COL4A2: variants seen among roughly 807,000 people sequenced by gnomAD.
COL4A2 encodes collagen alpha-2(IV) chain.
COL4A2 carries 99 observed loss-of-function variants against 200.2 expected under a neutral mutation model. That is an observed-to-expected ratio of 0.49 (90% CI 0.42 to 0.58). The LOEUF (loss-of-function observed/expected upper bound fraction) is 0.58. COL4A2 is among the 20% of genes least tolerant of loss of function. The pLI, the probability that COL4A2 is intolerant of heterozygous loss-of-function variation, is 0.00. For missense variants in COL4A2, 1,950 were observed against 2,314.1 expected (o/e 0.84, Z 3.23); for synonymous variants, 897 against 900.6 (o/e 1.00, Z 0.07).
At chr13:110,427,203 G>A (rs1054077610) in intron 6 of COL4A2, among the ~76,000 whole-genome samples, 1 of 152,204 alleles carries the variant, frequency 6.6e-6, no homozygotes, top group African/African-American at 2.4e-5. Flanking sequence ...AGGCTGGAGT[G>A]CAGTGGTGCG....
chr13:110,435,727 G>A (rs1024460274), intron 12 of COL4A2, among the ~76,000 whole-genome samples: 21 of 152,260 alleles, frequency 1.4e-4, no homozygotes, highest in Admixed American at 8.5e-4. Flanking sequence ...TAGATAGATC[G>A]GTTTCACCAT....
chr13:110,504,278 G>A lies in COL4A2; in HGVS notation c.4402+14G>A. ...TTGGCCAAGAAGGTGAGTGACAGTGGGGAAGGACCTTCCCAGGTCCTAGTG... is the reference window on the plus strand; with the variant it reads ...TTGGCCAAGAAGGTGAGTGACAGTGAGGAAGGACCTTCCCAGGTCCTAGTG... On this transcript the variant is annotated intron_variant, in intron 45 of 47. Transcript: ENST00000360467. 6.3e-7 allele frequency: 1 copy of A among 1,597,366 alleles called. No homozygotes were observed.
At chr13:110,458,981 C>T (rs1881904743) in intron 22 of COL4A2, 47 bp downstream of exon 22, 5 of 1,465,134 alleles carry the variant, frequency 3.4e-6, no homozygotes, top group Non-Finnish European at 3.6e-6. Flanking sequence ...TCTGAGGCCT[C>T]CCCAGGTGTC....
At chr13:110,339,987 T>G (rs1242873989) in intron 3 of COL4A2, among the ~76,000 whole-genome samples, 1 of 152,250 alleles carries the variant, frequency 6.6e-6, no homozygotes, top group Non-Finnish European at 1.5e-5. Flanking sequence ...CCTGGCGGTT[T>G]ATGACATTGC....
intron 34 of COL4A2, among the ~76,000 whole-genome samples, 200 bp downstream of exon 34, chr13:110,486,036 C>T (rs1460029913): frequency 6.6e-6 from 1 of 151,980 alleles, no homozygotes; most frequent in Non-Finnish European, 1.5e-5. Flanking sequence ...TGAGTCCAAC[C>T]GGCTGCCGTG....
chr13:110,503,894 A>G lies in COL4A2; in HGVS notation c.4186A>G (p.Lys1396Glu). 1 of 1,613,560 alleles carries G rather than the reference A, an allele frequency of 6.2e-7. No homozygotes were observed. The highest frequency in any genetic ancestry group is 8.5e-7 in the Non-Finnish European group (1 of 1,179,696). The part of the protein sequence containing the change: ...GAPGIAGIPQ[K>E]IAVQPGTVGP... ...CCCCGGGATTGCAGGAATCCCCCAG[A>G]AGATTGCCGTCCAACCAGGGACAGT... The change falls in exon 44 of 48, where the codon AAG becomes GAG. Residue 1396 changes from lysine (K) to glutamate (E), a missense_variant. Physicochemically the swap from Lys to Glu is moderately conservative, Grantham distance 56. This residue lies in a region of COL4A2 where 1,385 missense variants were observed against 1,720.5 expected (regional missense o/e 0.80). Coordinates refer to ENST00000360467, the MANE Select transcript of COL4A2 (RefSeq NM_001846.4).
chr13:110,421,557 G>A (rs1283387369), intron 4 of COL4A2, among the ~76,000 whole-genome samples: 1 of 152,204 alleles, frequency 6.6e-6, no homozygotes, highest in Non-Finnish European at 1.5e-5. Flanking sequence ...GCCAGGGGCT[G>A]GGAGGAAAGG....
At chr13:110,356,853 A>G (rs1594167048) in intron 3 of COL4A2, among the ~76,000 whole-genome samples, 1 of 148,506 alleles carries the variant, frequency 6.7e-6, no homozygotes, top group East Asian at 2.0e-4. Context: ...TGCAACCTCC[A>G]CCTCCCGGTT....
intron 13 of COL4A2, 35 bp from the exon 14 acceptor site, chr13:110,437,967 T>C: frequency 1.3e-6 from 2 of 1,575,830 alleles, no homozygotes; most frequent in Non-Finnish European, 1.7e-6. Flanking sequence ...ATCCTCAAAT[T>C]AATAAGCGTT....
At chr13:110,354,839 C>T (rs1202723130) in intron 3 of COL4A2, among the ~76,000 whole-genome samples, 1 of 152,164 alleles carries the variant, frequency 6.6e-6, no homozygotes, top group Non-Finnish European at 1.5e-5. Context: ...GGTCAGAAGC[C>T]TGCGTGTCCT....
At chr13:110,325,877 G>A (rs1885395090) in intron 3 of COL4A2, among the ~76,000 whole-genome samples, 1 of 151,928 alleles carries the variant, frequency 6.6e-6, no homozygotes, top group Non-Finnish European at 1.5e-5. Flanking sequence ...TCCACCTCCT[G>A]GGTTCAAGCG....
chr13:110,319,973 T>G (rs1036240295), intron 3 of COL4A2, among the ~76,000 whole-genome samples: 1 of 152,252 alleles, frequency 6.6e-6, no homozygotes, highest in Non-Finnish European at 1.5e-5. Flanking sequence ...TATGTCAATT[T>G]CCTGCCGGTA....
intron 4 of COL4A2, among the ~76,000 whole-genome samples, chr13:110,385,913 G>A (rs201606195): frequency 2.8e-5 from 2 of 72,474 alleles, no homozygotes; most frequent in Non-Finnish European, 5.8e-5. Context: ...TGGTTACAGC[G>A]TGTGGATGGG....
intron 16 of COL4A2, among the ~76,000 whole-genome samples, chr13:110,443,027 G>A (rs1032733654): frequency 6.6e-6 from 1 of 152,212 alleles, no homozygotes; most frequent in African/African-American, 2.4e-5. Flanking sequence ...AGGCTGCAGT[G>A]TCGATGACTT....
intron 16 of COL4A2, among the ~76,000 whole-genome samples, chr13:110,440,598 AAAT>A (rs1289189788): frequency 6.6e-6 from 1 of 152,104 alleles, no homozygotes; most frequent in Non-Finnish European, 1.5e-5. Flanking sequence ...CTCCATCATA[AAAT>A]AATAATAATA....
intron 4 of COL4A2, among the ~76,000 whole-genome samples, chr13:110,368,748 T>C (rs924242113): frequency 2.0e-5 from 3 of 151,074 alleles, no homozygotes; most frequent in African/African-American, 7.3e-5. Context: ...CCTGAGAACA[T>C]GTAATTAATC....
intron 20 of COL4A2, chr13:110,456,726 C>T (rs938631543): frequency 1.3e-5 from 6 of 471,076 alleles, no homozygotes; most frequent in Non-Finnish European, 2.2e-5. Flanking sequence ...TCTGTGGTGC[C>T]CATGCCCTGT....
intron 3 of COL4A2, among the ~76,000 whole-genome samples, chr13:110,332,547 T>C (rs1344998070): frequency 6.6e-6 from 1 of 152,194 alleles, no homozygotes; most frequent in Non-Finnish European, 1.5e-5. Context: ...CCTCCTCTTC[T>C]CTCCTTTTGT....
At chr13:110,474,698 C>T (rs1882617702) in intron 29 of COL4A2, among the ~76,000 whole-genome samples, 1 of 123,420 alleles carries the variant, frequency 8.1e-6, no homozygotes, top group African/African-American at 3.0e-5. Context: ...CACACACGTG[C>T]CTGTGTACAC....
Sources: gnomAD v4.1 joint callset for allele counts (sites outside exome capture counted in the v4.1 genomes callset) on GRCh38, gnomAD v4.1.1 for gene constraint, gnomAD v4.1.1 regional missense constraint, MANE v1.5 for transcripts, NCBI Gene and HGNC (gene_info 2026-07-23, HGNC 2026-07-21) for gene names.